RBMS1: variants seen among roughly 807,000 people sequenced by gnomAD.
RBMS1 encodes RNA binding motif single stranded interacting protein 1.
RBMS1 carries 17 observed loss-of-function variants against 62.3 expected under a neutral mutation model. The observed-to-expected ratio is 0.27, with a 90% confidence interval of 0.19 to 0.41. The LOEUF is 0.41. RBMS1 is among the 10% of genes least tolerant of loss of function. RBMS1 has a pLI of 1.00. For missense variants in RBMS1, 334 were observed against 504.5 expected, an observed-to-expected ratio of 0.66 and a Z score of 3.24; for synonymous variants, 172 against 170.0, an observed-to-expected ratio of 1.01 and a Z score of -0.09.
At chr2:160,474,206 C>T (rs974627497) in intron 1 of RBMS1, among the ~76,000 whole-genome samples, 8 of 152,174 alleles carry the variant, frequency 5.3e-5, no homozygotes, top group Admixed American at 2.0e-4. Flanking sequence ...ATTACAACCA[C>T]GAGTCTAGAG....
At chr2:160,324,866 A>ATGTGTG (rs368566224) in intron 2 of RBMS1, among the ~76,000 whole-genome samples, 22 of 113,158 alleles carry the variant, frequency 1.9e-4, no homozygotes, top group African/African-American at 6.8e-4. Context: ...TCTAAGCGAG[A>ATGTGTG]TGTGTGTGTG....
At chr2:160,335,049 C>A (rs1691492746) in intron 2 of RBMS1, among the ~76,000 whole-genome samples, 1 of 151,840 alleles carries the variant, frequency 6.6e-6, no homozygotes, top group African/African-American at 2.4e-5. Flanking sequence ...ATCAACCCTG[C>A]AGAAGAAAGA....
At chr2:160,317,939 G>A (rs952997219) in intron 3 of RBMS1, among the ~76,000 whole-genome samples, 2 of 152,090 alleles carry the variant, frequency 1.3e-5, no homozygotes, top group Admixed American at 6.5e-5. Flanking sequence ...CTCTACTGGC[G>A]TCAAATCTGG....
Position 160,493,326 on chromosome 2 carries a change from T to C in RBMS1, c.38A>G (p.Tyr13Cys), listed in dbSNP as rs1685940006. ...KVWKQQMYPQ[Y>C]ATYYYPQYLQ... The stretch of plus-strand genomic sequence containing the variant: ...ATACTGGGGGTAATAGTAGGTGGCG[T>C]ACTGAGGGTACATCTGCTGTTTCCA... The change falls in exon 1 of 14, where the codon TAC becomes TGC. Residue 13 changes from tyrosine to cysteine, a missense_variant. Physicochemically the swap from Tyr to Cys is radical, Grantham distance 194. This residue lies in a region of RBMS1 where 150 missense variants were observed against 228.0 expected (regional missense o/e 0.66). Transcript: ENST00000348849. The C allele has an allele frequency of 6.2e-7, 1 of 1,613,286 alleles. No individual in the cohort carries two copies. Among genetic ancestry groups the C allele is most frequent in the Non-Finnish European group, 8.5e-7 (1 of 1,179,580 alleles).
At chr2:160,287,878 C>T (rs958376227) in intron 6 of RBMS1, among the ~76,000 whole-genome samples, 5 of 151,092 alleles carry the variant, frequency 3.3e-5, no homozygotes, top group Non-Finnish European at 7.4e-5. Flanking sequence ...TACTATATAT[C>T]TATATACCAC....
intron 1 of RBMS1, among the ~76,000 whole-genome samples, chr2:160,405,617 T>C (rs1224316842): frequency 1.3e-5 from 2 of 152,214 alleles, no homozygotes; most frequent in Non-Finnish European, 2.9e-5. Flanking sequence ...CATTCATTTC[T>C]TTCTTTGCCT....
intron 1 of RBMS1, chr2:160,402,180 C>T (rs1028833797): frequency 1.2e-4 from 18 of 152,240 alleles, no homozygotes; most frequent in African/African-American, 4.3e-4. Flanking sequence ...CTTTACTTAG[C>T]AGAAACTCAG....
intron 1 of RBMS1, among the ~76,000 whole-genome samples, chr2:160,406,971 C>CT (rs1008796906): frequency 2.6e-4 from 39 of 151,502 alleles, no homozygotes; most frequent in South Asian, 6.3e-4. Context: ...GTTTCTTTCT[C>CT]TTTTTTTTTC....
intron 1 of RBMS1, among the ~76,000 whole-genome samples, chr2:160,428,103 T>G (rs1682720959): frequency 6.6e-6 from 1 of 152,118 alleles, no homozygotes; most frequent in Non-Finnish European, 1.5e-5. Context: ...GGAGCCTACA[T>G]ATTTTAATCA....
chr2:160,417,027 G>A (rs2105262788), intron 1 of RBMS1, among the ~76,000 whole-genome samples: 1 of 152,238 alleles, frequency 6.6e-6, no homozygotes, highest in Admixed American at 6.5e-5. Context: ...AATCTTATAA[G>A]ATTGCTTAAG....
intron 1 of RBMS1, among the ~76,000 whole-genome samples, chr2:160,466,727 A>C (rs1185853127): frequency 2.6e-5 from 4 of 152,196 alleles, no homozygotes; most frequent in African/African-American, 9.7e-5. Context: ...AGTGAACCTA[A>C]AAGGAGATAA....
chr2:160,374,818 T>C lies in RBMS1; in HGVS notation c.76-7427A>G, dbSNP rs538751820. ...GGTGGTGGGCGCCTGTCATCCCAGCTACTTGGGAGGCTGAGGCAGGAAAAT... is the reference window on the plus strand; with the variant it reads ...GGTGGTGGGCGCCTGTCATCCCAGCCACTTGGGAGGCTGAGGCAGGAAAAT... On this transcript the variant is annotated intron_variant, in intron 1 of 13. Transcript: ENST00000348849. Among the ~76,000 whole-genome samples, 3 of 151,640 alleles carry C rather than the reference T, an allele frequency of 2.0e-5. No homozygotes were observed. The East Asian group carries it at 5.8e-4, about 29-fold the overall frequency.
Position 160,327,156 on chromosome 2 carries a change from C to T in RBMS1, c.252-8929G>A, listed in dbSNP as rs150699518. On this transcript the variant is annotated intron_variant, in intron 2 of 13. Transcript: ENST00000348849. ...TTTCAAGAGAAGATACAGACATCTA[C>T]ATACCTGATTTTTCATAACTTTGAA... 5.4e-3 allele frequency among the ~76,000 whole-genome samples: 830 copies of T among 152,312 alleles called. 10 individuals are homozygous for T. Among genetic ancestry groups the T allele is most frequent in the African/African-American group, 0.017 (707 of 41,568 alleles).
chr2:160,278,021 A>G (rs1687924628), intron 11 of RBMS1: 1 of 166,654 alleles, frequency 6.0e-6, no homozygotes, highest in Admixed American at 5.6e-5. Context: ...TAGAGGCTAA[A>G]TTAAAATCCT....
chr2:160,336,445 A>C (rs1691575152), intron 2 of RBMS1, among the ~76,000 whole-genome samples: 1 of 152,116 alleles, frequency 6.6e-6, no homozygotes. Context: ...GTATCCTGGG[A>C]GACACAGACC....
intron 1 of RBMS1, among the ~76,000 whole-genome samples, chr2:160,403,072 T>G (rs971706531): frequency 6.6e-6 from 1 of 152,170 alleles, no homozygotes; most frequent in Non-Finnish European, 1.5e-5. Flanking sequence ...TGTAATGAGA[T>G]GCCAAAACGG....
At position 160,459,534 on chromosome 2, in the gene RBMS1, C is replaced by A. The variant is rs369580990; in HGVS notation, c.75+33755G>T. ...AATTTCAAGCAGAAGTATAAACCAA[C>A]ATAAGCATTGTGTTTCTGACCTATT... On this transcript the variant is annotated intron_variant, in intron 1 of 13. Transcript: ENST00000348849. Among the ~76,000 whole-genome samples the A allele has an allele frequency of 5.9e-5, 9 of 152,112 alleles. No individual in the cohort carries two copies. The East Asian group carries it at 1.7e-3, about 29-fold the overall frequency.
At chr2:160,300,525 A>G in intron 6 of RBMS1, 126 bp downstream of exon 6, 1 of 1,299,090 alleles carries the variant, frequency 7.7e-7, no homozygotes, top group South Asian at 2.4e-5. Flanking sequence ...TTATTTCTAA[A>G]TCCAACAAAA....
intron 1 of RBMS1, among the ~76,000 whole-genome samples, chr2:160,468,513 C>T (rs1321494180): frequency 6.6e-6 from 1 of 152,122 alleles, no homozygotes; most frequent in Non-Finnish European, 1.5e-5. Context: ...TATAAGTAAA[C>T]TTATTTTCAT....
Sources: allele counts gnomAD v4.1 joint callset (sites outside exome capture counted in the v4.1 genomes callset), GRCh38; gene constraint gnomAD v4.1.1; regional missense constraint gnomAD v4.1.1; transcripts MANE v1.5; gene names NCBI Gene and HGNC (gene_info 2026-07-23, HGNC 2026-07-21).